The following CEP164 variants were observed in gnomAD, a reference collection of about 807,000 sequenced individuals.
The protein encoded by CEP164 is centrosomal protein of 164 kDa.
CEP164 carries 162 observed loss-of-function variants against 182.7 expected under a neutral mutation model. That is an observed-to-expected ratio of 0.89 (90% CI 0.78 to 1.01). The LOEUF (loss-of-function observed/expected upper bound fraction) is 1.01. CEP164 is among the 50% of genes least tolerant of loss of function. CEP164 has a pLI of 0.00. For missense variants in CEP164, 1,735 were observed against 1,790.4 expected, an observed-to-expected ratio of 0.97 and a Z score of 0.56; for synonymous variants, 661 against 690.0, an observed-to-expected ratio of 0.96 and a Z score of 0.66.
intron 30 of CEP164, chr11:117,410,374 ATTAT>A: frequency 3.3e-6 from 1 of 300,976 alleles, no homozygotes; most frequent in Non-Finnish European, 6.2e-6. Context: ...TGAGGTAGTA[ATTAT>A]TTATCCCCAT....
intron 27 of CEP164, among the ~76,000 whole-genome samples, chr11:117,403,032 T>A (rs1416644695): frequency 6.6e-6 from 1 of 152,246 alleles, no homozygotes; most frequent in Non-Finnish European, 1.5e-5. Flanking sequence ...TAGCTATTCC[T>A]CCATCCCTTT....
chr11:117,386,789 A>G (rs1247597298), intron 14 of CEP164: 1 of 191,182 alleles, frequency 5.2e-6, no homozygotes, highest in Non-Finnish European at 1.1e-5. Context: ...AATTGCTGGC[A>G]TGAGCCTTAA....
chr11:117,332,783 C>T (rs1486854713), intron 1 of CEP164, among the ~76,000 whole-genome samples: 1 of 152,094 alleles, frequency 6.6e-6, no homozygotes, highest in African/African-American at 2.4e-5. Flanking sequence ...AGTTGGGTGA[C>T]CCCTCCTAAC....
Position 117,362,466 on chromosome 11 carries a change from C to A in CEP164, c.615C>A (p.Asp205Glu), listed in dbSNP as rs1204391797. The A allele has an allele frequency of 6.2e-7, 1 of 1,613,782 alleles. No homozygotes were observed. Among genetic ancestry groups the A allele is most frequent in the African/African-American group, 1.3e-5 (1 of 75,016 alleles). ...TKGLLGSIYEDKTALSLLGLG... is the reference protein window; with the variant it reads ...TKGLLGSIYEEKTALSLLGLG... ...GTCTCTTGGGCTCCATATATGAGGA[C>A]AAGACTGCTCTCAGCCTCTTGGGTT... The change falls in exon 7 of 33, where the codon GAC becomes GAA. Residue 205 changes from aspartate (D) to glutamate (E), a missense_variant. Asp to Glu is a conservative substitution (Grantham distance 45). Coordinates refer to ENST00000278935, the MANE Select transcript of CEP164 (RefSeq NM_014956.5).
chr11:117,339,097 C>T (rs1406207911), intron 3 of CEP164, among the ~76,000 whole-genome samples: 4 of 152,308 alleles, frequency 2.6e-5, no homozygotes, highest in Admixed American at 6.5e-5. Context: ...GGATTACAGG[C>T]GTGAGCCACC....
At position 117,409,087 on chromosome 11, in the gene CEP164, G is replaced by A; in HGVS notation, c.3748+59G>A. ...TATCCATGGAATGGGAGGAACTTGG[G>A]GAATAGAAGAAGAGCTCTCTTCCCT... On this transcript the variant is annotated intron_variant, in intron 29 of 32. Transcript: ENST00000278935. The surrounding 1 kb of genome is among the most constrained non-coding windows in gnomAD (Gnocchi z 4.4). 1.2e-6 allele frequency: 2 copies of A among 1,607,028 alleles called. No homozygotes were observed. The highest frequency in any genetic ancestry group is 2.2e-5 in the South Asian group (2 of 90,290).
At chr11:117,327,057 T>G (rs2035489214), upstream of CEP164, among the ~76,000 whole-genome samples, 1 of 152,246 alleles carries the variant, frequency 6.6e-6, no homozygotes, top group Non-Finnish European at 1.5e-5. Flanking sequence ...TCACTTTTTT[T>G]CTTCTTCAAT....
In CEP164 at chr11:117,396,966, G is replaced by A. The variant is rs1264420329; in HGVS notation, c.3279-125G>A. On this transcript the variant is annotated intron_variant, in intron 26 of 32. Transcript: ENST00000278935. ...ACAGTGGCATCCCTGCACTCACAGTGCCCAGCCCTAGCCCAGCAGCTCTGG... is the reference window on the plus strand; with the variant it reads ...ACAGTGGCATCCCTGCACTCACAGTACCCAGCCCTAGCCCAGCAGCTCTGG... 8 of 852,394 alleles carry A rather than the reference G, an allele frequency of 9.4e-6. 1 individual carries two copies. In the African/African-American group the frequency reaches 1.0e-4, roughly 11 times the overall value. 52.8% of individuals were successfully genotyped at this position (852,394 alleles called of 1,614,324 possible). A position where few individuals can be genotyped will look rare whatever the true frequency, so the allele number is the denominator to read the frequency against.
intron 5 of CEP164, chr11:117,355,241 C>G: frequency 7.8e-7 from 1 of 1,289,840 alleles, no homozygotes; most frequent in Non-Finnish European, 1.0e-6. Context: ...AGGTGATCAG[C>G]AGGGTCTGGA....
At chr11:117,325,286 T>C (rs1189284835), upstream of CEP164, among the ~76,000 whole-genome samples, 3 of 152,076 alleles carry the variant, frequency 2.0e-5, no homozygotes, top group African/African-American at 7.2e-5. Context: ...GGTTTTGCCA[T>C]GTTGGCCAGG....
At chr11:117,381,956 T>A in intron 13 of CEP164, 88 bp downstream of exon 13, 1 of 351,276 alleles carries the variant, frequency 2.8e-6, no homozygotes, top group Non-Finnish European at 3.9e-6. Flanking sequence ...CTGAGAGAGA[T>A]GGGGGTGGGG....
Position 117,411,275 on chromosome 11 carries a change from C to T in CEP164, c.4163+381C>T, listed in dbSNP as rs2047328037. On this transcript the variant is annotated intron_variant, in intron 31 of 32. Coordinates refer to ENST00000278935, the MANE Select transcript of CEP164 (RefSeq NM_014956.5). This position sits in a 1 kb window ranked among gnomAD's most constrained non-coding sequence, Gnocchi z 4.4. ...TTGCCCTTGAGCTCTTGTTTGCTTC[C>T]TGTGGCTCCCTTATTCCCCCAGTCC... 1 of 254,812 alleles carries T rather than the reference C, an allele frequency of 3.9e-6. No homozygotes were observed. Among genetic ancestry groups the T allele is most frequent in the African/African-American group, 2.2e-5 (1 of 46,190 alleles). 15.8% of individuals were successfully genotyped at this position (254,812 alleles called of 1,614,324 possible).
In CEP164 at chr11:117,397,211, T is replaced by C; in HGVS notation, c.3399T>C (p.Ala1133=). 1 of 1,614,222 alleles carries C rather than the reference T, an allele frequency of 6.2e-7. No individual in the cohort carries two copies. Residue 1133 remains alanine (A), a synonymous_variant, in exon 27 of 33, where the codon GCT becomes GCC. Transcript: ENST00000278935. ...GGAGGCGGCAGACAGCTCTGAAAGC[T>C]GCCCAGCAGCATTGGCGCCATGAGC... ...SMRRRQTALK[A]AQQHWRHELA... is the part of the protein sequence containing the mutation.
At chr11:117,380,877 G>T (rs1421767093) in intron 12 of CEP164, among the ~76,000 whole-genome samples, 172 bp downstream of exon 12, 1 of 152,218 alleles carries the variant, frequency 6.6e-6, no homozygotes, top group Non-Finnish European at 1.5e-5. Context: ...GTGTGTATAT[G>T]TGTGTGCACG....
At chr11:117,366,296 T>G (rs1196847110) in intron 8 of CEP164, among the ~76,000 whole-genome samples, 1 of 152,074 alleles carries the variant, frequency 6.6e-6, no homozygotes, top group Non-Finnish European at 1.5e-5. Flanking sequence ...CCAGACAGCT[T>G]ACGATGGAGA....
chr11:117,394,690 A>G lies in CEP164; in HGVS notation c.2760+197A>G, dbSNP rs1469549978. On this transcript the variant is annotated intron_variant, in intron 21 of 32. Coordinates refer to ENST00000278935, the MANE Select transcript of CEP164 (RefSeq NM_014956.5). The surrounding 1 kb of genome is among the most constrained non-coding windows in gnomAD (Gnocchi z 4.0). ...AGGGAACACACTCAGGATTAGAACT[A>G]GAGGTCAGCCCCTGTAAGGCATTGG... Among the ~76,000 whole-genome samples the G allele has an allele frequency of 6.6e-6, 1 of 152,194 alleles. No individual in the cohort carries two copies. Among genetic ancestry groups the G allele is most frequent in the African/African-American group, 2.4e-5 (1 of 41,452 alleles).
intron 15 of CEP164, among the ~76,000 whole-genome samples, chr11:117,390,526 C>T (rs527474876): frequency 6.6e-6 from 1 of 151,664 alleles, no homozygotes; most frequent in East Asian, 2.0e-4. Flanking sequence ...GTCCCAACTA[C>T]ATGGGATGCT....
intron 23 of CEP164, 81 bp downstream of exon 23, chr11:117,395,272 A>G (rs1479524806): frequency 2.0e-6 from 3 of 1,519,610 alleles, no homozygotes; most frequent in Non-Finnish European, 1.8e-6. Context: ...CATTTTGTTC[A>G]TCTGATCTGT....
intron 3 of CEP164, among the ~76,000 whole-genome samples, chr11:117,339,515 GTTT>G (rs1199425322): frequency 2.2e-5 from 2 of 90,870 alleles, no homozygotes; most frequent in Admixed American, 1.5e-4. Context: ...CTTTTCCTTT[GTTT>G]TTTGTTTTTT....
Sources: allele counts gnomAD v4.1 joint callset (sites outside exome capture counted in the v4.1 genomes callset), GRCh38; gene constraint gnomAD v4.1.1; non-coding constraint Gnocchi (gnomAD v3.1); transcripts MANE v1.5; gene names NCBI Gene and HGNC (gene_info 2026-07-23, HGNC 2026-07-21).